The following GGA1 variants were observed in gnomAD, a reference collection of about 807,000 sequenced individuals.
GGA1 encodes the protein ADP-ribosylation factor-binding protein GGA1.
A neutral mutation model predicts 76.9 loss-of-function variants in GGA1; 18 were observed. The ratio of observed to expected loss-of-function variants is 0.23; its 90% confidence interval spans 0.16 to 0.35. The LOEUF (loss-of-function observed/expected upper bound fraction) is 0.35, where lower values mean the gene tolerates loss of function less well. Ranked by LOEUF, GGA1 falls within the 10% of genes least tolerant of loss-of-function variation. The probability of loss-of-function intolerance (pLI) is 1.00; values close to 1 mark genes in which losing one functional copy is unlikely to be tolerated. For synonymous variants in GGA1, 342 were observed against 354.7 expected, an observed-to-expected ratio of 0.96 and a Z score of 0.40; for missense variants, 755 against 859.0, an observed-to-expected ratio of 0.88 and a Z score of 1.51.
chr22:37,630,375 C>A (rs972384555), intron 13 of GGA1: 12 of 534,912 alleles, frequency 2.2e-5, no homozygotes, highest in South Asian at 4.6e-5. Context: ...GGCCTCCCCC[C>A]AGGTGTTCCC....
chr22:37,613,010 A>G (rs916368543), intron 1 of GGA1: 9 of 985,384 alleles, frequency 9.1e-6, no homozygotes, highest in Non-Finnish European at 8.4e-6. Context: ...CTGACTGCTC[A>G]TTCATTTGCC....
rs530201995 is a variant in GGA1, at chr22:37,621,599, C to A, written c.529-17C>A. The A allele has an allele frequency of 4.6e-6, 7 of 1,537,208 alleles. No homozygotes were observed. The highest frequency in any genetic ancestry group is 6.2e-6 in the Non-Finnish European group (7 of 1,134,398). On this transcript the variant is annotated splice_polypyrimidine_tract_variant and intron_variant, in intron 6 of 16. Coordinates refer to ENST00000343632, the MANE Select transcript of GGA1 (RefSeq NM_013365.5). ...CCCAGGTGCTGCCCTCACGGTCACA[C>A]CCCTCTGTCTCTGCAGATGCTGGCC... is the stretch of plus-strand genomic sequence containing the variant.
At chr22:37,609,115 C>T (rs1171955869) in intron 1 of GGA1, 6 of 1,485,700 alleles carry the variant, frequency 4.0e-6, no homozygotes, top group Admixed American at 4.4e-5. Flanking sequence ...GGGCGCCGCC[C>T]ACCTGTCGGA....
rs1294421791 is a variant in GGA1 at position 37,625,976 on chromosome 22, G to C, written c.1093+27G>C. The stretch of plus-strand genomic sequence containing the variant: ...TGAGGAAGGGGCCAGGCCTGGAGGA[G>C]GGCGGGCTCAGCAGCAGATGGGGCA... On this transcript the variant is annotated intron_variant, in intron 11 of 16. Coordinates refer to ENST00000343632, the MANE Select transcript of GGA1 (RefSeq NM_013365.5). This position sits in a 1 kb window ranked among gnomAD's most constrained non-coding sequence, Gnocchi z 4.1. 1 of 1,546,512 alleles carries C rather than the reference G, an allele frequency of 6.5e-7. No homozygotes were observed. Among genetic ancestry groups the C allele is most frequent in the Non-Finnish European group, 8.8e-7 (1 of 1,141,960 alleles).
intron 11 of GGA1, chr22:37,626,305 A>C: frequency 1.2e-5 from 2 of 164,916 alleles, no homozygotes; most frequent in Non-Finnish European, 2.6e-5. Flanking sequence ...TTCATCCACC[A>C]AGAGGAGAGG....
chr22:37,609,195 T>A, intron 1 of GGA1: 1 of 1,352,998 alleles, frequency 7.4e-7, no homozygotes, highest in Non-Finnish European at 9.6e-7. Flanking sequence ...GAGAGCAGCC[T>A]CCAACCCCCA....
In GGA1 at chr22:37,620,324, G is replaced by A; in HGVS notation, c.390G>A (p.Val130=). The A allele has an allele frequency of 6.2e-7, 1 of 1,614,072 alleles. No homozygotes were observed. Among genetic ancestry groups the A allele is most frequent in the Non-Finnish European group, 8.5e-7 (1 of 1,179,990 alleles). ...YSWTVGLPEE[V]KIAEAYQMLK... ...GGACAGTGGGCCTGCCCGAGGAGGT[G>A]AAAATCGCAGAGGCCTACCAGATGC... is the stretch of plus-strand genomic sequence containing the variant. Residue 130 remains valine (V), a synonymous_variant, in exon 5 of 17, where the codon GTG becomes GTA. Coordinates refer to ENST00000343632, the MANE Select transcript of GGA1 (RefSeq NM_013365.5).
chr22:37,629,374 G>A, intron 11 of GGA1, 88 bp from the exon 12 acceptor site: 2 of 864,332 alleles, frequency 2.3e-6, no homozygotes, highest in Non-Finnish European at 3.7e-6. Flanking sequence ...GGGGTAGGGA[G>A]CCCCATGCCA....
At chr22:37,614,361 G>A (rs1032381342) in intron 2 of GGA1, 87 bp downstream of exon 2, 25 of 900,280 alleles carry the variant, frequency 2.8e-5, no homozygotes, top group Admixed American at 1.1e-4. Flanking sequence ...GTGGAGACCC[G>A]GTTTTCATTC....
chr22:37,620,693 G>A (rs946867540), intron 5 of GGA1, 120 bp from the exon 6 acceptor site: 18 of 732,884 alleles, frequency 2.5e-5, no homozygotes, highest in Non-Finnish European at 3.7e-5. Context: ...CAGAGCCAGC[G>A]TGCTGGCAAA....
rs772002859 is a variant in GGA1 at position 37,625,031 on chromosome 22, C to T, written c.895C>T (p.Arg299Trp). Residue 299 changes from arginine to tryptophan, a missense_variant, in exon 10 of 17, where the codon CGG becomes TGG. Transcript: ENST00000343632. This position sits in a 1 kb window ranked among gnomAD's most constrained non-coding sequence, Gnocchi z 4.1. ...GATCAACCTGTATAAGCAGCTGGTG[C>T]GGGGTGAGGAGGTCAACGGTGATGC... ...QVINLYKQLVRGEEVNGDATA... is the reference protein window; with the variant it reads ...QVINLYKQLVWGEEVNGDATA... 4.4e-6 allele frequency: 7 copies of T among 1,601,660 alleles called. No individual in the cohort carries two copies. Among genetic ancestry groups the T allele is most frequent in the East Asian group, 2.2e-5 (1 of 44,538 alleles).
At chr22:37,613,243 A>G in intron 1 of GGA1, 1 of 844,988 alleles carries the variant, frequency 1.2e-6, no homozygotes, top group South Asian at 5.4e-5. Context: ...TCGTGTGGTT[A>G]CCCGCATCTT....
At position 37,632,093 on chromosome 22, in the gene GGA1, G is replaced by C. The variant is rs372280694; in HGVS notation, c.1626G>C (p.Val542=). Residue 542 remains valine (V), a synonymous_variant, in exon 15 of 17, where the codon GTG becomes GTC. Coordinates refer to ENST00000343632, the MANE Select transcript of GGA1 (RefSeq NM_013365.5). This position sits in a 1 kb window ranked among gnomAD's most constrained non-coding sequence, Gnocchi z 5.1. ...TGCCAGGGCGCTCCGACGTGCTGGTGGTGGTGGTTTCCATGCTGAGCACCG... is the reference window on the plus strand; with the variant it reads ...TGCCAGGGCGCTCCGACGTGCTGGTCGTGGTGGTTTCCATGCTGAGCACCG... ...DPLPGRSDVL[V]VVVSMLSTAP... 5.6e-6 allele frequency: 9 copies of C among 1,613,708 alleles called. No individual in the cohort carries two copies. Among genetic ancestry groups the C allele is most frequent in the African/African-American group, 1.3e-5 (1 of 74,942 alleles).
rs755297161 is a variant in GGA1, at chr22:37,625,837, C to T, written c.981C>T (p.Leu327=). ...TGCTGGATCTCTCAGGCCTGGATCTCCCGCCTGCGGGCACCACCTACCCAG... is the reference window on the plus strand; with the variant it reads ...TGCTGGATCTCTCAGGCCTGGATCTTCCGCCTGCGGGCACCACCTACCCAG... The part of the protein sequence containing the change: ...SALLDLSGLD[L]PPAGTTYPAM... The change falls in exon 11 of 17, where the codon CTC becomes CTT. Residue 327 remains leucine, a synonymous_variant. Transcript: ENST00000343632. This position sits in a 1 kb window ranked among gnomAD's most constrained non-coding sequence, Gnocchi z 4.1. 1 of 1,610,876 alleles carries T rather than the reference C, an allele frequency of 6.2e-7. No individual in the cohort carries two copies. Among genetic ancestry groups the T allele is most frequent in the Non-Finnish European group, 8.5e-7 (1 of 1,177,992 alleles).
At chr22:37,628,118 G>T (rs1931169584) in intron 11 of GGA1, among the ~76,000 whole-genome samples, 1 of 152,196 alleles carries the variant, frequency 6.6e-6, no homozygotes, top group South Asian at 2.1e-4. Context: ...ATGAGCCACT[G>T]CGCCCACCTC....
intron 1 of GGA1, chr22:37,612,852 T>C (rs1029056145): frequency 7.2e-5 from 63 of 873,130 alleles, no homozygotes; most frequent in Middle Eastern, 5.7e-4. Context: ...GTAAGCTAGA[T>C]TGTTGTTTAA....
At chr22:37,615,371 C>T (rs1456921127) in intron 2 of GGA1, among the ~76,000 whole-genome samples, 1 of 151,914 alleles carries the variant, frequency 6.6e-6, no homozygotes, top group Non-Finnish European at 1.5e-5. Flanking sequence ...ATTGCTTGAA[C>T]CCAGGAGGTA....
chr22:37,625,039 G>A lies in GGA1; in HGVS notation c.903G>A (p.Glu301=). 1 of 1,600,754 alleles carries A rather than the reference G, an allele frequency of 6.2e-7. No individual in the cohort carries two copies. The highest frequency in any genetic ancestry group is 1.7e-5 in the Admixed American group (1 of 58,398). ...TGTATAAGCAGCTGGTGCGGGGTGAGGAGGTCAACGGTGATGCCACAGCCG... is the reference window on the plus strand; with the variant it reads ...TGTATAAGCAGCTGGTGCGGGGTGAAGAGGTCAACGGTGATGCCACAGCCG... The part of the protein sequence containing the change: ...INLYKQLVRG[E]EVNGDATAGS... Residue 301 remains glutamate, a synonymous_variant, in exon 10 of 17, where the codon GAG becomes GAA. Transcript: ENST00000343632. This position sits in a 1 kb window ranked among gnomAD's most constrained non-coding sequence, Gnocchi z 4.1.
intron 1 of GGA1, chr22:37,609,356 C>G (rs962701555): frequency 9.1e-7 from 1 of 1,094,494 alleles, no homozygotes; most frequent in South Asian, 2.0e-5. Context: ...TCCTGGAGCC[C>G]GCAAGTAGTC....
Sources: allele counts gnomAD v4.1 joint callset (sites outside exome capture counted in the v4.1 genomes callset), GRCh38; gene constraint gnomAD v4.1.1; non-coding constraint Gnocchi (gnomAD v3.1); transcripts MANE v1.5; gene names NCBI Gene and HGNC (gene_info 2026-07-23, HGNC 2026-07-21).